The following KLHL1 variants were observed in gnomAD, a reference collection of about 807,000 sequenced individuals.
The protein encoded by KLHL1 is kelch like family member 1, also known as kelch-like protein 1.
A neutral mutation model predicts 77.7 loss-of-function variants in KLHL1; 47 were observed. That is an observed-to-expected ratio of 0.60 (90% confidence interval 0.48 to 0.77). KLHL1 has a LOEUF of 0.77. Among genes scored for constraint, KLHL1 ranks in the 30% least tolerant of loss-of-function variants. KLHL1 has a pLI of 0.00. For synonymous variants in KLHL1, 360 were observed against 325.2 expected (o/e 1.11, Z -1.15); for missense variants, 925 against 910.8 (o/e 1.02, Z -0.20).
At chr13:69,905,530 A>G (rs1470108775) in intron 4 of KLHL1, among the ~76,000 whole-genome samples, 1 of 152,052 alleles carries the variant, frequency 6.6e-6, no homozygotes, top group Non-Finnish European at 1.5e-5. Flanking sequence ...TAAATTCTAG[A>G]TATTAAAAAG....
At chr13:69,728,404 ATTGTTTGT>A (rs71815356) in intron 8 of KLHL1, among the ~76,000 whole-genome samples, 1,582 of 150,508 alleles carry the variant, frequency 0.011, 29 homozygotes, top group Non-Finnish European at 9.1e-3. Context: ...CCTTGTAAAA[ATTGTTTGT>A]TTGTTTGTTT....
chr13:69,977,374 A>G (rs1884574559), intron 1 of KLHL1, among the ~76,000 whole-genome samples: 1 of 152,120 alleles, frequency 6.6e-6, no homozygotes, highest in African/African-American at 2.4e-5. Flanking sequence ...AAGGCAATAC[A>G]ATAATTTAAG....
chr13:70,035,003 T>C (rs1424170670), intron 1 of KLHL1, among the ~76,000 whole-genome samples: 6 of 152,140 alleles, frequency 3.9e-5, no homozygotes, highest in Admixed American at 3.3e-4. Context: ...CAAATATTAA[T>C]ATTTGTGGTA....
At chr13:69,939,734 C>T (rs181111262) in intron 4 of KLHL1, among the ~76,000 whole-genome samples, 15 of 151,646 alleles carry the variant, frequency 9.9e-5, no homozygotes, top group Middle Eastern at 3.4e-3. Context: ...CCTATGCGCC[C>T]CTCTCCTCAT....
Position 69,866,932 on chromosome 13 carries a change from G to T in KLHL1, c.1227+15351C>A, listed in dbSNP as rs73508445. 5.1e-3 allele frequency among the ~76,000 whole-genome samples: 698 copies of T among 137,214 alleles called. 11 individuals are homozygous for T. Among genetic ancestry groups the T allele is most frequent in the African/African-American group, 0.019 (668 of 34,316 alleles). 90.0% of individuals were successfully genotyped at this position (137,214 alleles called of 152,430 possible). On this transcript the variant is annotated intron_variant, in intron 5 of 10. Coordinates refer to ENST00000377844, the MANE Select transcript of KLHL1 (RefSeq NM_020866.3). Reference sequence around the variant, plus strand: ...TTATTTTCTGAGGGAAACATTTTCTGACCTAAATTATCACGTTTAATCATT... The same window carrying T: ...TTATTTTCTGAGGGAAACATTTTCTTACCTAAATTATCACGTTTAATCATT...
intron 8 of KLHL1, among the ~76,000 whole-genome samples, chr13:69,722,977 G>A (rs1873138513): frequency 6.6e-6 from 1 of 151,902 alleles, no homozygotes; most frequent in African/African-American, 2.4e-5. Flanking sequence ...GGAACACAAT[G>A]GAATACTATT....
At chr13:69,847,404 CA>C (rs11357077) in intron 5 of KLHL1, among the ~76,000 whole-genome samples, 138,139 of 146,156 alleles carry the variant, frequency 0.95, 65,249 homozygotes, top group East Asian at 0.99. Context: ...ACTGCATTAG[CA>C]AAAAAAAAAA....
intron 5 of KLHL1, among the ~76,000 whole-genome samples, chr13:69,847,751 C>A (rs1879527253): frequency 6.6e-6 from 1 of 151,294 alleles, no homozygotes; most frequent in Admixed American, 6.6e-5. Context: ...AAAATAAACT[C>A]AGAATTTGAA....
chr13:69,787,935 T>C (rs1339743120), intron 7 of KLHL1, among the ~76,000 whole-genome samples: 1 of 152,104 alleles, frequency 6.6e-6, no homozygotes, highest in Admixed American at 6.5e-5. Context: ...ATCAGAGAAA[T>C]GCAAATCAAA....
At chr13:69,796,610 C>T in intron 7 of KLHL1, 128 bp downstream of exon 7, 3 of 706,966 alleles carry the variant, frequency 4.2e-6, no homozygotes, top group Non-Finnish European at 6.9e-6. Flanking sequence ...ATGTTAATTA[C>T]CCAGGTTCAG....
intron 1 of KLHL1, among the ~76,000 whole-genome samples, chr13:70,098,505 T>A (rs1026255561): frequency 6.6e-6 from 1 of 151,850 alleles, no homozygotes; most frequent in Non-Finnish European, 1.5e-5. Context: ...CACTCTTAAA[T>A]CTTTCAATTT....
intron 4 of KLHL1, among the ~76,000 whole-genome samples, chr13:69,900,601 T>C (rs1320825896): frequency 6.6e-6 from 1 of 152,088 alleles, no homozygotes; most frequent in Non-Finnish European, 1.5e-5. Context: ...GTAGACACAG[T>C]AAAAGTTTTA....
intron 1 of KLHL1, among the ~76,000 whole-genome samples, chr13:69,976,796 A>G (rs1283025829): frequency 6.6e-6 from 1 of 152,136 alleles, no homozygotes; most frequent in Middle Eastern, 3.2e-3. Context: ...CAAAATAATT[A>G]TTTGCATTCA....
rs540542400 is a variant in KLHL1, at chr13:69,977,406, C to T, written c.498-1604G>A. 4.6e-5 allele frequency among the ~76,000 whole-genome samples: 7 copies of T among 151,436 alleles called. No homozygotes were observed. In the South Asian group the frequency reaches 1.3e-3, roughly 27 times the overall value. On this transcript the variant is annotated intron_variant, in intron 1 of 10. Coordinates refer to ENST00000377844, the MANE Select transcript of KLHL1 (RefSeq NM_020866.3). ...TAAGATTTTGATGTGCAAAATTAGT[C>T]GATAAAAGGCAAACAAATGACGGTA...
At chr13:69,842,785 T>G (rs1879316765) in intron 5 of KLHL1, among the ~76,000 whole-genome samples, 1 of 151,882 alleles carries the variant, frequency 6.6e-6, no homozygotes, top group African/African-American at 2.4e-5. Context: ...GGAATCAACC[T>G]ACGTGCCCAT....
At chr13:69,811,927 T>C (rs1269917435) in intron 6 of KLHL1, among the ~76,000 whole-genome samples, 1 of 152,182 alleles carries the variant, frequency 6.6e-6, no homozygotes, top group African/African-American at 2.4e-5. Context: ...ATCTTAGTTA[T>C]TTCTTGCCTT....
Position 69,942,164 on chromosome 13 carries a change from A to G in KLHL1, c.818-1928T>C, listed in dbSNP as rs531373578. 5.3e-5 allele frequency among the ~76,000 whole-genome samples: 8 copies of G among 152,134 alleles called. No homozygotes were observed. In the South Asian group the frequency reaches 1.7e-3, roughly 31 times the overall value. On this transcript the variant is annotated intron_variant, in intron 3 of 10. Coordinates refer to ENST00000377844, the MANE Select transcript of KLHL1 (RefSeq NM_020866.3). ...GACTAAAGCTTGAATTGTTTCATTTATATTTTCATTTATATATATACATAT... is the reference window on the plus strand; with the variant it reads ...GACTAAAGCTTGAATTGTTTCATTTGTATTTTCATTTATATATATACATAT...
chr13:69,951,849 C>T lies in KLHL1; in HGVS notation c.817+9459G>A, dbSNP rs2482576. Among the ~76,000 whole-genome samples the T allele has an allele frequency of 4.6e-3, 702 of 151,460 alleles. 6 individuals are homozygous for T. The highest frequency in any genetic ancestry group is 0.016 in the African/African-American group (667 of 41,462). The stretch of plus-strand genomic sequence containing the variant: ...ACATCTCATAATCCATATTTAAAAT[C>T]AATATTTCTTAGCCCCAGTGAACTG... On this transcript the variant is annotated intron_variant, in intron 3 of 10. Transcript: ENST00000377844.
intron 6 of KLHL1, among the ~76,000 whole-genome samples, chr13:69,797,550 C>T (rs1877166271): frequency 1.3e-5 from 2 of 152,052 alleles, no homozygotes; most frequent in South Asian, 4.2e-4. Flanking sequence ...GGCGCAATGG[C>T]TCACGCCTGT....
Sources: gnomAD v4.1 joint callset for allele counts (sites outside exome capture counted in the v4.1 genomes callset) on GRCh38, gnomAD v4.1.1 for gene constraint, MANE v1.5 for transcripts, NCBI Gene and HGNC (gene_info 2026-07-23, HGNC 2026-07-21) for gene names.